IL12RB1: variants seen among roughly 807,000 people sequenced by gnomAD.
IL12RB1 encodes the protein interleukin 12 receptor subunit beta 1, also known as interleukin-12 receptor subunit beta-1.
Under a neutral mutation model 94.4 loss-of-function variants are expected in IL12RB1, and 64 were observed. That is an observed-to-expected ratio of 0.68 (90% CI 0.55 to 0.83). IL12RB1 has a LOEUF of 0.83. Among genes scored for constraint, IL12RB1 ranks in the 40% least tolerant of loss-of-function variants. The pLI is 0.00. For synonymous variants in IL12RB1, 362 were observed against 355.5 expected (o/e 1.02, Z -0.21); for missense variants, 814 against 855.6 (o/e 0.95, Z 0.61).
chr19:18,061,703 A>G (rs912523200), intron 14 of IL12RB1, among the ~76,000 whole-genome samples: 1 of 152,054 alleles, frequency 6.6e-6, no homozygotes, highest in African/African-American at 2.4e-5. Context: ...TCTACTGAAA[A>G]TACAAAATAA....
Position 18,086,829 on chromosome 19 carries a change from C to G in IL12RB1, c.-6G>C, listed in dbSNP as rs2036378769. 3.7e-6 allele frequency: 6 copies of G among 1,608,910 alleles called. No homozygotes were observed. The highest frequency in any genetic ancestry group is 5.1e-6 in the Non-Finnish European group (6 of 1,177,930). ...CAGGTCACCAGCGGCTCCATCGGATCCACGTAGAGCCCCACAGCCCCAGGG... is the reference window on the plus strand; with the variant it reads ...CAGGTCACCAGCGGCTCCATCGGATGCACGTAGAGCCCCACAGCCCCAGGG... On this transcript the variant is annotated 5_prime_UTR_variant, in exon 1 of 17. Coordinates refer to ENST00000593993, the MANE Select transcript of IL12RB1 (RefSeq NM_005535.3).
In IL12RB1 at chr19:18,083,474, C is replaced by T. The variant is rs779895710; in HGVS notation, c.82G>A (p.Glu28Lys). Residue 28 changes from glutamate (E) to lysine (K), a missense_variant, in exon 2 of 17, where the codon GAG (glutamate) becomes AAG (lysine). Physicochemically the swap from Glu to Lys is moderately conservative, Grantham distance 56. Transcript: ENST00000593993. ...SRQGAACRTS[E>K]CCFQDPPYPD... ...TATGGCGGGTCCTGAAAACAGCACT[C>T]ACTGGTTCTGCAGGCAGCTGCAAAG... The T allele has an allele frequency of 1.2e-6, 2 of 1,613,992 alleles. No individual in the cohort carries two copies. Among genetic ancestry groups the T allele is most frequent in the Non-Finnish European group, 1.7e-6 (2 of 1,179,996 alleles).
In IL12RB1 at chr19:18,083,435, A is replaced by G. The variant is rs772951042; in HGVS notation, c.121T>C (p.Ser41Pro). The G allele has an allele frequency of 1.2e-6, 2 of 1,613,912 alleles. No individual in the cohort carries two copies. Among genetic ancestry groups the G allele is most frequent in the Admixed American group, 3.3e-5 (2 of 59,986 alleles). The change falls in exon 2 of 17, where the codon TCA (serine) becomes CCA (proline). Residue 41 changes from serine (S) to proline (P), a missense_variant. Coordinates refer to ENST00000593993, the MANE Select transcript of IL12RB1 (RefSeq NM_005535.3). ...FQDPPYPDAD[S>P]GSASGPRDLR... ...ACAATGAGGAACTGCCCCGAACCTG[A>G]GTCTGCATCCGGATATGGCGGGTCC...
At chr19:18,065,226 C>T (rs935588949) in intron 12 of IL12RB1, among the ~76,000 whole-genome samples, 10 of 152,078 alleles carry the variant, frequency 6.6e-5, no homozygotes, top group Non-Finnish European at 1.3e-4. Flanking sequence ...CTGGCTAAAC[C>T]CTGTTTTGTG....
chr19:18,073,856 A>C (rs1447684671), intron 7 of IL12RB1, among the ~76,000 whole-genome samples: 1 of 152,078 alleles, frequency 6.6e-6, no homozygotes, highest in African/African-American at 2.4e-5. Flanking sequence ...ACGAAGTCTC[A>C]CTCTATTACC....
chr19:18,062,076 C>A (rs531424040), intron 14 of IL12RB1, 105 bp downstream of exon 14: 24 of 754,712 alleles, frequency 3.2e-5, no homozygotes, highest in East Asian at 1.6e-4. Context: ...TGAATTATTT[C>A]CTGGGCAAAG....
intron 11 of IL12RB1, 114 bp from the exon 12 acceptor site, chr19:18,066,811 G>A (rs1455163594): frequency 1.4e-5 from 11 of 759,444 alleles, no homozygotes; most frequent in Non-Finnish European, 2.3e-5. Context: ...TAAGTCATTT[G>A]AGGCCAGGAG....
chr19:18,077,557 C>T lies in IL12RB1; in HGVS notation c.508G>A (p.Val170Met). ...ETPDNQVGAE[V>M]QFRHRTPSSP... Reference sequence around the variant, plus strand: ...CTGGGTGTCCGGTGCCGGAACTGCACCTCAGCACCAACCTGGTTATCCGGG... The same window carrying T: ...CTGGGTGTCCGGTGCCGGAACTGCATCTCAGCACCAACCTGGTTATCCGGG... The change falls in exon 5 of 17, where the codon GTG becomes ATG. Residue 170 changes from valine (V) to methionine (M), a missense_variant. Transcript: ENST00000593993. The T allele has an allele frequency of 1.9e-6, 3 of 1,612,678 alleles. No homozygotes were observed. The highest frequency in any genetic ancestry group is 2.5e-6 in the Non-Finnish European group (3 of 1,179,034).
upstream of IL12RB1, chr19:18,087,030 G>A: frequency 1.9e-6 from 2 of 1,043,336 alleles, no homozygotes; most frequent in South Asian, 1.5e-5. Context: ...CTCCGTGGTG[G>A]TGGTGATGGT....
intron 11 of IL12RB1, among the ~76,000 whole-genome samples, chr19:18,067,130 C>T (rs1289429722): frequency 6.6e-6 from 1 of 151,192 alleles, no homozygotes; most frequent in Non-Finnish European, 1.5e-5. Context: ...TCGAGACTAG[C>T]CTGAGGAACA....
At chr19:18,067,689 G>A (rs912768157) in intron 11 of IL12RB1, among the ~76,000 whole-genome samples, 1 of 152,144 alleles carries the variant, frequency 6.6e-6, no homozygotes, top group African/African-American at 2.4e-5. Context: ...TATAATCCCA[G>A]CTACTCAGGA....
chr19:18,084,232 C>T (rs1260720688), intron 1 of IL12RB1, among the ~76,000 whole-genome samples: 2 of 149,788 alleles, frequency 1.3e-5, no homozygotes, highest in African/African-American at 4.9e-5. Context: ...CCCCACCATC[C>T]GTCCATCCAT....
intron 3 of IL12RB1, 122 bp downstream of exon 3, chr19:18,082,028 G>A: frequency 1.4e-6 from 1 of 711,932 alleles, no homozygotes; most frequent in Non-Finnish European, 2.6e-6. Flanking sequence ...ATGAGAAACT[G>A]AAGCCCAGGA....
chr19:18,082,296 C>T (rs762834011), intron 2 of IL12RB1, 32 bp from the exon 3 acceptor site: 2 of 1,359,820 alleles, frequency 1.5e-6, no homozygotes, highest in African/African-American at 1.4e-5. Context: ...TGGGAACAGA[C>T]CAGAGTCTGG....
intron 1 of IL12RB1, among the ~76,000 whole-genome samples, chr19:18,086,256 A>C (rs1366241245): frequency 6.9e-6 from 1 of 144,846 alleles, no homozygotes; most frequent in East Asian, 2.1e-4. Context: ...AAATAAATAA[A>C]TAAATAAATA....
At position 18,080,900 on chromosome 19, in the gene IL12RB1, C is replaced by A; in HGVS notation, c.341G>T (p.Trp114Leu). ...GVSVLYTVTL[W>L]VESWARNQTE... is the part of the protein sequence containing the mutation. ...CTGGTTCCTGGCCCAGGATTCCACC[C>A]AGAGTGTGACAGTGTACAGCACAGA... Residue 114 changes from tryptophan to leucine, a missense_variant, in exon 4 of 17, where the codon TGG becomes TTG. Trp to Leu is a moderately conservative substitution (Grantham distance 61). Coordinates refer to ENST00000593993, the MANE Select transcript of IL12RB1 (RefSeq NM_005535.3). 1 of 1,613,316 alleles carries A rather than the reference C, an allele frequency of 6.2e-7. No individual in the cohort carries two copies. Among genetic ancestry groups the A allele is most frequent in the Non-Finnish European group, 8.5e-7 (1 of 1,179,310 alleles).
At chr19:18,084,683 ATCCATCCATCCATC>A (rs1568522804) in intron 1 of IL12RB1, among the ~76,000 whole-genome samples, 11 of 152,000 alleles carry the variant, frequency 7.2e-5, no homozygotes, top group East Asian at 3.8e-4. Flanking sequence ...CCATCCATCC[ATCCATCCATCCATC>A]CATACATACA....
chr19:18,066,830 C>G, intron 11 of IL12RB1, 133 bp from the exon 12 acceptor site: 1 of 669,858 alleles, frequency 1.5e-6, no homozygotes, highest in Non-Finnish European at 2.7e-6. Context: ...AGTTCAAGAC[C>G]AGCCTGGCCA....
intron 7 of IL12RB1, among the ~76,000 whole-genome samples, chr19:18,074,599 T>C (rs563935706): frequency 1.3e-5 from 2 of 152,004 alleles, no homozygotes; most frequent in Admixed American, 1.3e-4. Flanking sequence ...AATACAAAAT[T>C]AGCTGGGCGT....
Sources: allele counts gnomAD v4.1 joint callset (sites outside exome capture counted in the v4.1 genomes callset), GRCh38; gene constraint gnomAD v4.1.1; transcripts MANE v1.5; gene names NCBI Gene and HGNC (gene_info 2026-07-23, HGNC 2026-07-21).